AP2A1: variants seen among roughly 807,000 people sequenced by gnomAD.
AP2A1 encodes AP-2 complex subunit alpha-1.
In AP2A1, 21 loss-of-function variants were observed where a neutral mutation model predicts 107.3. That is an observed-to-expected ratio of 0.20 (90% CI 0.14 to 0.28). The LOEUF (loss-of-function observed/expected upper bound fraction) is 0.28, where lower values mean the gene tolerates loss of function less well. Among genes scored for constraint, AP2A1 ranks in the 10% least tolerant of loss-of-function variants. AP2A1 has a pLI of 1.00. For missense variants in AP2A1, 873 were observed against 1,307.7 expected, an observed-to-expected ratio of 0.67 and a Z score of 5.13; for synonymous variants, 602 against 564.8, an observed-to-expected ratio of 1.07 and a Z score of -0.93.
Position 49,807,020 on chromosome 19 carries a change from T to TTC in AP2A1, c.*262_*263insTC. ...AGGGGCCAGGGAAGTGGATGTCTCC[T>TTC]CCCCTCCCACCCCACCCTGTTGTAG... is the stretch of plus-strand genomic sequence containing the variant. On this transcript the variant is annotated 3_prime_UTR_variant, in exon 23 of 23. Coordinates refer to ENST00000354293, the MANE Select transcript of AP2A1 (RefSeq NM_130787.3). 1.5e-6 allele frequency: 2 copies of TTC among 1,338,566 alleles called. No homozygotes were observed. 82.9% of individuals were successfully genotyped at this position (1,338,566 alleles called of 1,614,324 possible).
intron 18 of AP2A1, chr19:49,803,830 T>G (rs1325019679): frequency 5.6e-6 from 1 of 178,090 alleles, no homozygotes. Flanking sequence ...AGGGTTATTG[T>G]GAAGATCAGA....
Position 49,802,961 on chromosome 19 carries a change from G to A in AP2A1, c.2127G>A (p.Glu709=), listed in dbSNP as rs1311086457. 1 of 1,613,148 alleles carries A rather than the reference G, an allele frequency of 6.2e-7. No individual in the cohort carries two copies. Among genetic ancestry groups the A allele is most frequent in the Non-Finnish European group, 8.5e-7 (1 of 1,179,608 alleles). The stretch of plus-strand genomic sequence containing the variant: ...TCCATGCCTCCAGCCCAGGTCCTGA[G>A]GACATCGGCCCTCCCATTCCGGAAG... ...PEEAFLSPGP[E]DIGPPIPEAD... is the part of the protein sequence containing the mutation. Residue 709 remains glutamate, a synonymous_variant, in exon 16 of 23, where the codon GAG becomes GAA. Coordinates refer to ENST00000354293, the MANE Select transcript of AP2A1 (RefSeq NM_130787.3).
chr19:49,798,252 G>A (rs2123740998), intron 7 of AP2A1, among the ~76,000 whole-genome samples: 1 of 152,338 alleles, frequency 6.6e-6, no homozygotes, highest in South Asian at 2.1e-4. Flanking sequence ...AGCTCTGGGG[G>A]GTGAGGGGGC....
intron 4 of AP2A1, among the ~76,000 whole-genome samples, chr19:49,784,551 A>G (rs189745589): frequency 6.6e-6 from 1 of 152,202 alleles, no homozygotes; most frequent in Non-Finnish European, 1.5e-5. Context: ...ATATGAGTAA[A>G]GTTTAAGCAG....
chr19:49,806,376 T>G, intron 22 of AP2A1, 123 bp downstream of exon 22: 1 of 1,438,364 alleles, frequency 7.0e-7, no homozygotes, highest in Non-Finnish European at 9.1e-7. Context: ...CTCTCACATT[T>G]CTTTGTCCAC....
At position 49,801,634 on chromosome 19, in the gene AP2A1, T is replaced by TTG; in HGVS notation, c.1785+13_1785+14insTG. On this transcript the variant is annotated intron_variant, in intron 13 of 22. Coordinates refer to ENST00000354293, the MANE Select transcript of AP2A1 (RefSeq NM_130787.3). ...CACCGACGTCCTGGTCAGAGCCCTG[T>TTG]CCCCCCACCCCACCCCTCTTGCACA... 3 of 1,482,166 alleles carry TTG rather than the reference T, an allele frequency of 2.0e-6. No homozygotes were observed. The highest frequency in any genetic ancestry group is 1.9e-4 in the Middle Eastern group (1 of 5,322). 91.8% of individuals were successfully genotyped at this position (1,482,166 alleles called of 1,614,324 possible).
chr19:49,768,786 C>G (rs574248158), intron 1 of AP2A1, among the ~76,000 whole-genome samples: 2 of 152,170 alleles, frequency 1.3e-5, no homozygotes, highest in African/African-American at 4.8e-5. Flanking sequence ...TGACCCTCCA[C>G]GAGTTGTTTA....
intron 7 of AP2A1, 55 bp downstream of exon 7, chr19:49,795,793 G>T: frequency 1.5e-6 from 2 of 1,322,048 alleles, no homozygotes; most frequent in Non-Finnish European, 2.1e-6. Context: ...GGCATCTGGG[G>T]GCCTCCTGCT....
At position 49,788,344 on chromosome 19, in the gene AP2A1, G is replaced by T. The variant is rs2123710301; in HGVS notation, c.474-3591G>T. Among the ~76,000 whole-genome samples, 1 of 152,318 alleles carries T rather than the reference G, an allele frequency of 6.6e-6. No homozygotes were observed. The highest frequency in any genetic ancestry group is 2.1e-4 in the South Asian group (1 of 4,824). On this transcript the variant is annotated intron_variant, in intron 4 of 22. Coordinates refer to ENST00000354293, the MANE Select transcript of AP2A1 (RefSeq NM_130787.3). This position sits in a 1 kb window ranked among gnomAD's most constrained non-coding sequence, Gnocchi z 4.5. ...CATAGCCCTTATTCCACTTAACCAA[G>T]TTGATAAATAGCTCTTATTCCTTTG...
At chr19:49,778,848 A>G (rs754534837) in intron 1 of AP2A1, among the ~76,000 whole-genome samples, 10 of 151,674 alleles carry the variant, frequency 6.6e-5, no homozygotes, top group South Asian at 2.1e-4. Flanking sequence ...TATACTCTTT[A>G]TATATACTAT....
At chr19:49,772,219 A>G (rs2084566305) in intron 1 of AP2A1, among the ~76,000 whole-genome samples, 2 of 139,118 alleles carry the variant, frequency 1.4e-5, no homozygotes, top group South Asian at 2.4e-4. Flanking sequence ...CATCATGCCC[A>G]GCAAATTTTT....
chr19:49,798,837 C>G lies in AP2A1; in HGVS notation c.850C>G (p.Leu284Val). The part of the protein sequence containing the change: ...AAVKGRLVEC[L>V]ETVLNKAQEP... The stretch of plus-strand genomic sequence containing the variant: ...TGTGAAGGGGCGGCTGGTGGAATGT[C>G]TGGAGACTGTGCTCAACAAGGCCCA... Residue 284 changes from leucine (L) to valine (V), a missense_variant, in exon 8 of 23, where the codon CTG becomes GTG. Leu to Val is a conservative substitution (Grantham distance 32). Coordinates refer to ENST00000354293, the MANE Select transcript of AP2A1 (RefSeq NM_130787.3). 6.2e-7 allele frequency: 1 copy of G among 1,603,688 alleles called. No homozygotes were observed. The highest frequency in any genetic ancestry group is 8.5e-7 in the Non-Finnish European group (1 of 1,175,378).
At chr19:49,780,062 C>A (rs2084658075) in intron 1 of AP2A1, among the ~76,000 whole-genome samples, 1 of 152,172 alleles carries the variant, frequency 6.6e-6, no homozygotes, top group South Asian at 2.1e-4. Context: ...GAATGCACAC[C>A]CCACCCTGCT....
rs2084725683 is a variant in AP2A1, at chr19:49,785,473, G to C, written c.473+2749G>C. 6.6e-6 allele frequency among the ~76,000 whole-genome samples: 1 copy of C among 152,166 alleles called. No homozygotes were observed. The highest frequency in any genetic ancestry group is 6.5e-5 in the Admixed American group (1 of 15,274). ...AGGCCATAGGAAAATGGGTCAGAGA[G>C]GGCAGAACCTGAGTGTGGTTTGGTC... is the stretch of plus-strand genomic sequence containing the variant. On this transcript the variant is annotated intron_variant, in intron 4 of 22. Coordinates refer to ENST00000354293, the MANE Select transcript of AP2A1 (RefSeq NM_130787.3). The surrounding 1 kb of genome is among the most constrained non-coding windows in gnomAD (Gnocchi z 4.1).
At chr19:49,775,073 T>C (rs1461640815) in intron 1 of AP2A1, among the ~76,000 whole-genome samples, 1 of 151,640 alleles carries the variant, frequency 6.6e-6, no homozygotes, top group African/African-American at 2.4e-5. Context: ...AAAAAAACTT[T>C]TAAAATTAGC....
chr19:49,782,151 A>T, intron 3 of AP2A1, 62 bp downstream of exon 3: 2 of 410,100 alleles, frequency 4.9e-6, no homozygotes, highest in Non-Finnish European at 6.1e-6. Context: ...AGGGGGCTGG[A>T]GGTCTGGACT....
intron 22 of AP2A1, 29 bp downstream of exon 22, chr19:49,806,282 C>T (rs778834748): frequency 1.0e-5 from 16 of 1,570,554 alleles, no homozygotes; most frequent in South Asian, 2.3e-5. Flanking sequence ...GGCCTGAGGC[C>T]GGCAGGAAGG....
In AP2A1 at chr19:49,800,161, C is replaced by T; in HGVS notation, c.1455+11C>T. ...AAGACCGTCTTTGAGGTCAGCATCC[C>T]TGACCCTGACCCTATGACCCCACGA... On this transcript the variant is annotated intron_variant, in intron 11 of 22. Transcript: ENST00000354293. The T allele has an allele frequency of 1.3e-6, 2 of 1,599,676 alleles. No individual in the cohort carries two copies. The highest frequency in any genetic ancestry group is 3.3e-4 in the Middle Eastern group (2 of 6,026).
At chr19:49,797,007 G>A (rs2073222026) in intron 7 of AP2A1, 1 of 152,218 alleles carries the variant, frequency 6.6e-6, no homozygotes, top group African/African-American at 2.4e-5. Flanking sequence ...GTGGCCCTGG[G>A]GACATGTCTT....
Sources: allele counts gnomAD v4.1 joint callset (sites outside exome capture counted in the v4.1 genomes callset), GRCh38; gene constraint gnomAD v4.1.1; non-coding constraint Gnocchi (gnomAD v3.1); transcripts MANE v1.5; gene names NCBI Gene and HGNC (gene_info 2026-07-23, HGNC 2026-07-21).